Variants in KCNN2 observed in about 807,000 individuals in gnomAD.
KCNN2 encodes potassium calcium-activated channel subfamily N member 2.
KCNN2 carries 24 observed loss-of-function variants against 55.5 expected under a neutral mutation model. The ratio of observed to expected loss-of-function variants is 0.43; its 90% confidence interval spans 0.31 to 0.61. The LOEUF (loss-of-function observed/expected upper bound fraction) is 0.61. Ranked by LOEUF, KCNN2 falls within the 20% of genes least tolerant of loss-of-function variation. KCNN2 has a pLI of 0.08. For missense variants in KCNN2, 754 were observed against 853.6 expected (o/e 0.88, Z 1.45); for synonymous variants, 431 against 336.1 (o/e 1.28, Z -3.09).
At chr5:114,089,084 A>G (rs1038796994) in intron 1 of KCNN2, among the ~76,000 whole-genome samples, 1 of 142,754 alleles carries the variant, frequency 7.0e-6, no homozygotes, top group Non-Finnish European at 1.5e-5. Flanking sequence ...TATTGACTGA[A>G]ATTTCTGTCA....
At chr5:114,163,921 T>A (rs924277136) in intron 1 of KCNN2, among the ~76,000 whole-genome samples, 13 of 48,452 alleles carry the variant, frequency 2.7e-4, no homozygotes, top group African/African-American at 5.4e-4. Context: ...AGGAAATATT[T>A]TCTGCCTTTT....
At chr5:114,435,253 AGGTGGTTTTTG>A (rs1338303551) in intron 3 of KCNN2, among the ~76,000 whole-genome samples, 3 of 151,896 alleles carry the variant, frequency 2.0e-5, no homozygotes, top group Non-Finnish European at 2.9e-5. Flanking sequence ...CTGGCTTCAG[AGGTGGTTTTTG>A]GGTGGTTTTT....
chr5:114,253,115 C>CT (rs1305234671), intron 2 of KCNN2, among the ~76,000 whole-genome samples: 1 of 126,104 alleles, frequency 7.9e-6, no homozygotes, highest in Non-Finnish European at 1.6e-5. Context: ...GTAGAGGTTT[C>CT]TTTTTTTTCT....
At chr5:114,418,111 TGAA>T (rs200085849) in intron 3 of KCNN2, among the ~76,000 whole-genome samples, 3,013 of 152,318 alleles carry the variant, frequency 0.02, 49 homozygotes, top group Non-Finnish European at 0.031. Flanking sequence ...AGGGTCGTTA[TGAA>T]GAAGATTACT....
intron 1 of KCNN2, among the ~76,000 whole-genome samples, chr5:114,210,054 C>T (rs1346887496): frequency 6.6e-6 from 1 of 152,054 alleles, no homozygotes; most frequent in Non-Finnish European, 1.5e-5. Flanking sequence ...CTTCTTTTTT[C>T]AGCTTTTATA....
At chr5:114,168,147 A>G (rs572431788) in intron 1 of KCNN2, among the ~76,000 whole-genome samples, 2 of 137,974 alleles carry the variant, frequency 1.4e-5, no homozygotes, top group Non-Finnish European at 3.1e-5. Flanking sequence ...GTATATAGAT[A>G]TATAATCATA....
At chr5:114,247,202 C>CAAAAAAAAAAAAAAAAAAAAAAAAA (rs370172975) in intron 2 of KCNN2, among the ~76,000 whole-genome samples, 7 of 68,096 alleles carry the variant, frequency 1.0e-4, no homozygotes, top group African/African-American at 3.5e-4. Context: ...CATATGTCTC[C>CAAAAAAAAAAAAAAAAAAAAAAAAA]AAAAAAAAAA....
intron 1 of KCNN2, among the ~76,000 whole-genome samples, chr5:114,195,217 G>A (rs114322961): frequency 0.05 from 7,319 of 145,018 alleles, 604 homozygotes; most frequent in African/African-American, 0.17. Context: ...GATTTCTGCC[G>A]AAAAAAAAAA....
chr5:114,269,496 T>G (rs1326956376), intron 2 of KCNN2, among the ~76,000 whole-genome samples: 1 of 23,388 alleles, frequency 4.3e-5, no homozygotes, highest in Non-Finnish European at 1.4e-4. Flanking sequence ...GTTCTCACCT[T>G]TTTTTTTTTT....
chr5:114,272,618 T>C (rs987549180), intron 2 of KCNN2, among the ~76,000 whole-genome samples: 1 of 152,142 alleles, frequency 6.6e-6, no homozygotes, highest in Non-Finnish European at 1.5e-5. Flanking sequence ...AGACCTTTTG[T>C]TGTCAATAAG....
intron 3 of KCNN2, among the ~76,000 whole-genome samples, chr5:114,442,220 A>G (rs1221457591): frequency 6.6e-6 from 1 of 151,440 alleles, no homozygotes; most frequent in Non-Finnish European, 1.5e-5. Flanking sequence ...GTGCATCACC[A>G]TTACAGCAGA....
At chr5:114,214,446 T>C (rs937649873) in intron 1 of KCNN2, among the ~76,000 whole-genome samples, 21 of 152,068 alleles carry the variant, frequency 1.4e-4, no homozygotes, top group Admixed American at 3.9e-4. Flanking sequence ...TCCAGCCAGA[T>C]TGATTATTAC....
intron 6 of KCNN2, 28 bp from the exon 7 acceptor site, chr5:114,493,375 C>CT: frequency 7.0e-7 from 1 of 1,421,684 alleles, no homozygotes; most frequent in Non-Finnish European, 1.0e-6. Context: ...AGAAGGGAAC[C>CT]TTTCTGATAC....
At chr5:114,473,820 T>C (rs959807667) in intron 5 of KCNN2, among the ~76,000 whole-genome samples, 1 of 152,314 alleles carries the variant, frequency 6.6e-6, no homozygotes, top group Non-Finnish European at 1.5e-5. Flanking sequence ...AGGGAAGTGC[T>C]ATTATTCTGG....
intron 1 of KCNN2, among the ~76,000 whole-genome samples, chr5:114,061,831 T>A (rs73258310): frequency 0.16 from 24,374 of 152,208 alleles, 2,017 homozygotes; most frequent in Non-Finnish European, 0.18. Flanking sequence ...TTGTCTATGC[T>A]TGTGCAACTG....
intron 1 of KCNN2, among the ~76,000 whole-genome samples, chr5:114,068,476 A>G (rs1750496559): frequency 6.6e-6 from 1 of 152,204 alleles, no homozygotes; most frequent in Non-Finnish European, 1.5e-5. Flanking sequence ...TTGGCCTCAC[A>G]TTCACAGCCA....
intron 2 of KCNN2, among the ~76,000 whole-genome samples, chr5:114,334,734 C>A (rs1393453055): frequency 6.6e-6 from 1 of 152,006 alleles, no homozygotes. Context: ...AGTACTAATA[C>A]TATGTATTTA....
At chr5:114,197,067 T>C (rs1296523829) in intron 1 of KCNN2, among the ~76,000 whole-genome samples, 1 of 152,168 alleles carries the variant, frequency 6.6e-6, no homozygotes, top group Non-Finnish European at 1.5e-5. Flanking sequence ...TGAAATATCT[T>C]CTAATATCCC....
At chr5:114,128,126 G>C (rs1266252924) in intron 1 of KCNN2, among the ~76,000 whole-genome samples, 1 of 152,028 alleles carries the variant, frequency 6.6e-6, no homozygotes, top group Admixed American at 6.6e-5. Flanking sequence ...CCACATTTTT[G>C]AGTATCTTTA....
Sources: gnomAD v4.1 joint callset for allele counts (sites outside exome capture counted in the v4.1 genomes callset) on GRCh38, gnomAD v4.1.1 for gene constraint, MANE v1.5 for transcripts, NCBI Gene and HGNC (gene_info 2026-07-23, HGNC 2026-07-21) for gene names.